The following CSF2RA variants were observed in gnomAD, a reference collection of about 807,000 sequenced individuals.
CSF2RA encodes the protein colony stimulating factor 2 receptor subunit alpha.
In CSF2RA, 42 loss-of-function variants were observed where a neutral mutation model predicts 51.6. The observed-to-expected ratio is 0.81, with a 90% CI of 0.64 to 1.05. The LOEUF (loss-of-function observed/expected upper bound fraction) is 1.05. Ranked by LOEUF, CSF2RA falls within the 50% of genes least tolerant of loss-of-function variation. CSF2RA has a pLI of 0.00. For missense variants in CSF2RA, 530 were observed against 501.1 expected (o/e 1.06, Z -0.55); for synonymous variants, 222 against 193.0 (o/e 1.15, Z -1.24).
At chrX:1,312,568 A>G (rs1248673896), downstream of CSF2RA, among the ~76,000 whole-genome samples, 3 of 152,132 alleles carry the variant, frequency 2.0e-5, no homozygotes, top group Non-Finnish European at 4.4e-5. Flanking sequence ...TGGGATTAGG[A>G]CATGGCCATA....
At position 1,285,927 on chromosome X, in the gene CSF2RA, C is replaced by G. The variant is rs188911889; in HGVS notation, c.219+7C>G. 34 of 1,613,762 alleles carry G rather than the reference C, an allele frequency of 2.1e-5. No homozygotes were observed. The East Asian group carries it at 7.6e-4, about 36-fold the overall frequency. Reference sequence around the variant, plus strand: ...CAGAGTCGTGGAACCCAGGGTGAGACGAATTTCCCATTCTCAACCCCTGTC... The same window carrying G: ...CAGAGTCGTGGAACCCAGGGTGAGAGGAATTTCCCATTCTCAACCCCTGTC... On this transcript the variant is annotated splice_region_variant and intron_variant, in intron 4 of 12. Transcript: ENST00000381529.
intron 12 of CSF2RA, among the ~76,000 whole-genome samples, chrX:1,307,588 TCCCC>T (rs1230416937): frequency 7.0e-6 from 1 of 142,224 alleles, no homozygotes; most frequent in South Asian, 2.2e-4. Context: ...GGCCCACCCT[TCCCC>T]CTTCAGCCTT....
rs201302382 is a variant in CSF2RA at position 1,291,752 on chromosome X, GTA to G, written c.646+1244_646+1245del. Among the ~76,000 whole-genome samples the G allele has an allele frequency of 2.6e-3, 390 of 150,946 alleles. 5 individuals are homozygous for G. Among genetic ancestry groups the G allele is most frequent in the Middle Eastern group, 6.9e-3 (2 of 288 alleles). The stretch of plus-strand genomic sequence containing the variant: ...CCCAGTGTAGACAGGAGGAGACCCT[GTA>G]CCACCTCCACCTGGACCCAGTGTAG... On this transcript the variant is annotated intron_variant, in intron 7 of 12. Coordinates refer to ENST00000381529, the MANE Select transcript of CSF2RA (RefSeq NM_172245.4).
intron 6 of CSF2RA, among the ~76,000 whole-genome samples, chrX:1,289,784 ATTTTGTTTTGTTTTGTGTTTTTGTG>A (rs1455731195): frequency 4.8e-5 from 2 of 41,690 alleles, no homozygotes; most frequent in Non-Finnish European, 5.6e-5. Context: ...TTTTTGTTTC[ATTTTGTTTTGTTTTGTGTTTTTGTG>A]TTTTGTTTTG....
At chrX:1,306,658 A>G (rs2083601071) in intron 12 of CSF2RA, among the ~76,000 whole-genome samples, 1 of 151,976 alleles carries the variant, frequency 6.6e-6, no homozygotes, top group South Asian at 2.1e-4. Context: ...AAAACAAAAC[A>G]AAACAAAAAA....
chrX:1,314,186 A>G (rs1466905854), downstream of CSF2RA, among the ~76,000 whole-genome samples: 1 of 148,636 alleles, frequency 6.7e-6, no homozygotes, highest in East Asian at 2.0e-4. Flanking sequence ...ATTGGCTGAG[A>G]GGGAGCTTTT....
chrX:1,284,734 G>A (rs182483745), intron 3 of CSF2RA, among the ~76,000 whole-genome samples: 62 of 142,920 alleles, frequency 4.3e-4, no homozygotes, highest in African/African-American at 1.6e-3. Context: ...GCGCGATCTC[G>A]GCTCATTGCA....
chrX:1,283,368 T>C (rs1362156732), intron 3 of CSF2RA, among the ~76,000 whole-genome samples: 1 of 147,792 alleles, frequency 6.8e-6, no homozygotes, highest in Admixed American at 6.7e-5. Context: ...TCCTTCCTTC[T>C]TCCGTCCCTC....
the CSF2RA span, among the ~76,000 whole-genome samples, chrX:1,320,975 G>T: frequency 1.4e-4 from 21 of 151,944 alleles, no homozygotes; most frequent in African/African-American, 5.1e-4. Flanking sequence ...AAGGAGCTGG[G>T]ATTACAGGCA....
At chrX:1,323,482 C>A in the CSF2RA span, among the ~76,000 whole-genome samples, 8 of 152,024 alleles carry the variant, frequency 5.3e-5, no homozygotes, top group African/African-American at 1.7e-4. Context: ...CACCTTCAGG[C>A]GACCGGATTC....
chrX:1,311,429 A>G (rs1317040050), downstream of CSF2RA, among the ~76,000 whole-genome samples: 1 of 128,548 alleles, frequency 7.8e-6, no homozygotes, highest in Non-Finnish European at 1.5e-5. Flanking sequence ...CATCAGCCAA[A>G]TAAACCTGTT....
intron 12 of CSF2RA, among the ~76,000 whole-genome samples, 154 bp from the exon 13 acceptor site, chrX:1,309,248 G>A (rs1475040057): frequency 2.6e-5 from 4 of 152,192 alleles, no homozygotes; most frequent in South Asian, 2.1e-4. Context: ...CCGGGAGGCC[G>A]AGGTTGCAGT....
intron 12 of CSF2RA, among the ~76,000 whole-genome samples, chrX:1,307,804 T>C (rs28372654): frequency 0.87 from 73,105 of 83,722 alleles, 33,790 homozygotes; most frequent in Non-Finnish European, 0.94. Context: ...TTTAGACCTT[T>C]GACTGATTAG....
chrX:1,299,029 G>A (rs772578681), intron 9 of CSF2RA, among the ~76,000 whole-genome samples: 5 of 152,268 alleles, frequency 3.3e-5, no homozygotes, highest in African/African-American at 9.6e-5. Flanking sequence ...GGGTGGACAC[G>A]GTGGATCCTG....
chrX:1,288,607 G>T lies in CSF2RA; in HGVS notation c.308G>T (p.Arg103Ile), dbSNP rs760985801. 1 of 1,613,964 alleles carries T rather than the reference G, an allele frequency of 6.2e-7. No individual in the cohort carries two copies. Residue 103 changes from arginine to isoleucine, a missense_variant, in exon 5 of 13, where the codon AGA (arginine) becomes ATA (isoleucine). Transcript: ENST00000381529. The stretch of plus-strand genomic sequence containing the variant: ...GAGGTTCACGTGAATACTAGTCAAA[G>T]AGGATTTCAACAGAAACTGCTTTAT... The part of the protein sequence containing the change: ...TFEVHVNTSQ[R>I]GFQQKLLYPN...
At chrX:1,311,700 C>T (rs1321491868), downstream of CSF2RA, among the ~76,000 whole-genome samples, 2 of 152,178 alleles carry the variant, frequency 1.3e-5, no homozygotes, top group African/African-American at 4.8e-5. Flanking sequence ...CTTGGCGTCT[C>T]CACGTGCTGG....
intron 1 of CSF2RA, among the ~76,000 whole-genome samples, chrX:1,269,095 TA>T (rs2087986185): frequency 6.6e-6 from 1 of 151,952 alleles, no homozygotes; most frequent in African/African-American, 2.4e-5. Context: ...TGCAGGTTTT[TA>T]AAGGCAAAAT....
the CSF2RA span, among the ~76,000 whole-genome samples, chrX:1,322,830 G>T: frequency 6.6e-6 from 1 of 152,026 alleles, no homozygotes. Flanking sequence ...ATGTGATGAA[G>T]GAAAGAATCT....
intron 2 of CSF2RA, among the ~76,000 whole-genome samples, chrX:1,276,198 TTTG>T (rs1290597614): frequency 7.4e-5 from 11 of 149,106 alleles, no homozygotes; most frequent in Non-Finnish European, 1.3e-4. Flanking sequence ...TGTTTGTTTG[TTTG>T]TTTTTGTTTT....
Sources: gnomAD v4.1 joint callset for allele counts (sites outside exome capture counted in the v4.1 genomes callset) on GRCh38, gnomAD v4.1.1 for gene constraint, MANE v1.5 for transcripts, NCBI Gene and HGNC (gene_info 2026-07-23, HGNC 2026-07-21) for gene names.